Variants in ZMAT3 observed in about 807,000 individuals in gnomAD.
ZMAT3 encodes zinc finger matrin-type protein 3.
ZMAT3 carries 17 observed loss-of-function variants against 32.3 expected under a neutral mutation model. That is an observed-to-expected ratio of 0.53 (90% CI 0.36 to 0.79). The LOEUF is 0.79. ZMAT3 is among the 30% of genes least tolerant of loss of function. The pLI, the probability that ZMAT3 is intolerant of heterozygous loss-of-function variation, is 0.00. For missense variants in ZMAT3, 329 were observed against 359.7 expected (o/e 0.91, Z 0.69); for synonymous variants, 120 against 133.1 (o/e 0.90, Z 0.68).
At chr3:179,062,200 G>T (rs1021296113) in intron 2 of ZMAT3, among the ~76,000 whole-genome samples, 1 of 152,130 alleles carries the variant, frequency 6.6e-6, no homozygotes, top group Non-Finnish European at 1.5e-5. Flanking sequence ...CAATGGAAAG[G>T]ACCATTTCAG....
chr3:179,044,159 T>C (rs968826300), intron 2 of ZMAT3, among the ~76,000 whole-genome samples: 10 of 152,188 alleles, frequency 6.6e-5, no homozygotes, highest in African/African-American at 2.4e-4. Context: ...TGGAAGACAG[T>C]GTGGCAATCC....
In ZMAT3 at chr3:179,065,695, C is replaced by T. The variant is rs1307161992; in HGVS notation, c.270+1788G>A. 3.3e-5 allele frequency among the ~76,000 whole-genome samples: 5 copies of T among 152,244 alleles called. No individual in the cohort carries two copies. The East Asian group carries it at 9.6e-4, about 29-fold the overall frequency. On this transcript the variant is annotated intron_variant, in intron 2 of 5. Coordinates refer to ENST00000311417, the MANE Select transcript of ZMAT3 (RefSeq NM_022470.4). ...AGGTCACTCACGCCTGTAATCCCAG[C>T]GCTTTGGGAGGCTGAATCTAGCCAA...
chr3:179,026,694 T>G (rs1283841875), intron 5 of ZMAT3, among the ~76,000 whole-genome samples: 1 of 152,154 alleles, frequency 6.6e-6, no homozygotes, highest in African/African-American at 2.4e-5. Context: ...GCCTGAATTG[T>G]GCTTTCTATA....
chr3:179,025,274 G>C, intron 5 of ZMAT3, 46 bp from the exon 6 acceptor site: 1 of 1,452,820 alleles, frequency 6.9e-7, no homozygotes, highest in Non-Finnish European at 9.5e-7. Context: ...TTCATTAAGT[G>C]AATGACAACC....
chr3:179,059,625 T>C (rs577802145), intron 2 of ZMAT3, among the ~76,000 whole-genome samples: 1 of 152,278 alleles, frequency 6.6e-6, no homozygotes, highest in South Asian at 2.1e-4. Context: ...GAGCCCCAGA[T>C]GCAGTCCATG....
rs1718962217 is a variant in ZMAT3, at chr3:179,027,820, CA to C, written c.391-9del. ...TGGCTTAAAGGAGCCCATCTGACAT[CA>C]AAGACACAAGAAGAAACAAAGTTAA... On this transcript the variant is annotated splice_polypyrimidine_tract_variant and intron_variant, in intron 3 of 5. Transcript: ENST00000311417. 6.3e-7 allele frequency: 1 copy of C among 1,593,712 alleles called. No homozygotes were observed. The highest frequency in any genetic ancestry group is 1.8e-5 in the Admixed American group (1 of 54,628).
intron 2 of ZMAT3, among the ~76,000 whole-genome samples, chr3:179,049,560 G>C (rs866371716): frequency 1.7e-4 from 26 of 152,286 alleles, no homozygotes; most frequent in African/African-American, 6.3e-4. Context: ...ACCTGCTCCT[G>C]AATGATTGTT....
chr3:179,067,592 G>C lies in ZMAT3; in HGVS notation c.161C>G (p.Ser54Trp), dbSNP rs893943065. The change falls in exon 2 of 6, where the codon TCG becomes TGG. Residue 54 changes from serine to tryptophan, a missense_variant. Ser to Trp is a radical substitution (Grantham distance 177). Transcript: ENST00000311417. Reference protein sequence around the residue: ...SLPLAGEEELSKGGEQDCALE... With the variant: ...SLPLAGEEELWKGGEQDCALE... ...GGCACAGTCTTGCTCCCCTCCCTTCGATAACTCTTCTTCCCCTGCAAGAGG... is the reference window on the plus strand; with the variant it reads ...GGCACAGTCTTGCTCCCCTCCCTTCCATAACTCTTCTTCCCCTGCAAGAGG... 1.2e-6 allele frequency: 2 copies of C among 1,614,102 alleles called. No individual in the cohort carries two copies. Among genetic ancestry groups the C allele is most frequent in the South Asian group, 2.2e-5 (2 of 91,080 alleles).
chr3:179,053,321 C>A (rs1312671648), intron 2 of ZMAT3, among the ~76,000 whole-genome samples: 5 of 150,444 alleles, frequency 3.3e-5, no homozygotes, highest in Admixed American at 2.0e-4. Flanking sequence ...AAATTAGAAT[C>A]CATAAATCCC....
chr3:179,056,335 G>T (rs1720843221), intron 2 of ZMAT3, among the ~76,000 whole-genome samples: 1 of 152,006 alleles, frequency 6.6e-6, no homozygotes, highest in Admixed American at 6.6e-5. Context: ...AAAAAAAGGG[G>T]GGGTCCACTA....
chr3:179,046,563 G>A lies in ZMAT3; in HGVS notation c.271-15564C>T, dbSNP rs1435422587. On this transcript the variant is annotated intron_variant, in intron 2 of 5. Transcript: ENST00000311417. This position sits in a 1 kb window ranked among gnomAD's most constrained non-coding sequence, Gnocchi z 4.3. The stretch of plus-strand genomic sequence containing the variant: ...GACTCCGTGGGACAGCTGAGGAACT[G>A]AGTCGGCCTGCTTTCTCAGCTGGGA... 6.6e-6 allele frequency among the ~76,000 whole-genome samples: 1 copy of A among 152,202 alleles called. No individual in the cohort carries two copies. Among genetic ancestry groups the A allele is most frequent in the Non-Finnish European group, 1.5e-5 (1 of 68,030 alleles).
In ZMAT3 at chr3:179,042,184, G is replaced by C. The variant is rs138670066; in HGVS notation, c.271-11185C>G. ...AAGAGGAGCTGGTACCATTCCTTCT[G>C]AAACTATTCCAATCAATAAAAAGAG... On this transcript the variant is annotated intron_variant, in intron 2 of 5. Transcript: ENST00000311417. 9.7e-3 allele frequency among the ~76,000 whole-genome samples: 1,477 copies of C among 152,262 alleles called. 24 individuals carry two copies. The highest frequency in any genetic ancestry group is 0.034 in the African/African-American group (1,412 of 41,548).
Position 179,049,730 on chromosome 3 carries a change from TG to T in ZMAT3, c.270+17752del, listed in dbSNP as rs201352185. Among the ~76,000 whole-genome samples, 901 of 152,186 alleles carry T rather than the reference TG, an allele frequency of 5.9e-3. 10 individuals are homozygous for T. Among genetic ancestry groups the T allele is most frequent in the East Asian group, 0.041 (212 of 5,172 alleles). Reference sequence around the variant, plus strand: ...GAAAGGGGCTGGGCATGGTTGCTCATGCCTGTAATCCCAGCACTTTGGGAGG... The same window carrying T: ...GAAAGGGGCTGGGCATGGTTGCTCATCCTGTAATCCCAGCACTTTGGGAGG... On this transcript the variant is annotated intron_variant, in intron 2 of 5. Transcript: ENST00000311417.
At chr3:179,058,605 A>C (rs935824999) in intron 2 of ZMAT3, among the ~76,000 whole-genome samples, 1 of 151,956 alleles carries the variant, frequency 6.6e-6, no homozygotes, top group Admixed American at 6.6e-5. Context: ...AAATACAAAA[A>C]ATTAGCCGGG....
Position 179,030,929 on chromosome 3 carries a change from C to T in ZMAT3, c.341G>A (p.Ser114Asn). 1 of 1,613,950 alleles carries T rather than the reference C, an allele frequency of 6.2e-7. No homozygotes were observed. Among genetic ancestry groups the T allele is most frequent in the Non-Finnish European group, 8.5e-7 (1 of 1,179,912 alleles). Residue 114 changes from serine (S) to asparagine (N), a missense_variant, in exon 3 of 6, where the codon AGC becomes AAC. Ser to Asn is a conservative substitution (Grantham distance 46, BLOSUM62 1). Transcript: ENST00000311417. The stretch of plus-strand genomic sequence containing the variant: ...AGTAGCTGCAGGCTCGACCACATTG[C>T]TCATTCTAGCAGGAGGAGGACAGCT... The part of the protein sequence containing the change: ...ANSCPPPARM[S>N]NVVEPAATPV...
At chr3:179,055,526 C>T (rs779140729) in intron 2 of ZMAT3, among the ~76,000 whole-genome samples, 2 of 147,730 alleles carry the variant, frequency 1.4e-5, no homozygotes, top group Non-Finnish European at 1.5e-5. Context: ...TTAACCCAAA[C>T]GGTCCAAAAG....
chr3:179,058,560 T>C (rs1397961948), intron 2 of ZMAT3, among the ~76,000 whole-genome samples: 1 of 151,884 alleles, frequency 6.6e-6, no homozygotes, highest in African/African-American at 2.4e-5. Flanking sequence ...ATCGAGACCA[T>C]CCTAGCTAAA....
chr3:179,055,615 G>A (rs1413803433), intron 2 of ZMAT3, among the ~76,000 whole-genome samples: 1 of 152,108 alleles, frequency 6.6e-6, no homozygotes, highest in Non-Finnish European at 1.5e-5. Flanking sequence ...AGTGAGAGGA[G>A]GAGAATTCGG....
chr3:179,070,405 AT>A (rs1263488533), intron 1 of ZMAT3, among the ~76,000 whole-genome samples: 1 of 152,256 alleles, frequency 6.6e-6, no homozygotes, highest in Non-Finnish European at 1.5e-5. Context: ...GATCTTTACA[AT>A]TTTTAAAGAG....
Sources: gnomAD v4.1 joint callset for allele counts (sites outside exome capture counted in the v4.1 genomes callset) on GRCh38, gnomAD v4.1.1 for gene constraint, Gnocchi (gnomAD v3.1) non-coding constraint, MANE v1.5 for transcripts, NCBI Gene and HGNC (gene_info 2026-07-23, HGNC 2026-07-21) for gene names.